The following ADGRG4 variants were observed in gnomAD, a reference collection of about 807,000 sequenced individuals.
ADGRG4 encodes G protein-coupled receptor 112.
A neutral mutation model predicts 126.2 loss-of-function variants in ADGRG4; 122 were observed. The ratio of observed to expected loss-of-function variants is 0.97; its 90% confidence interval spans 0.83 to 1.12. The LOEUF (loss-of-function observed/expected upper bound fraction) is 1.12. ADGRG4 is among the 50% of genes most tolerant of loss of function. The pLI, the probability that ADGRG4 is intolerant of heterozygous loss-of-function variation, is 0.00. For synonymous variants in ADGRG4, 943 were observed against 838.7 expected (o/e 1.12, Z -2.15); for missense variants, 2,481 against 2,251.8 (o/e 1.10, Z -2.06).
chrX:136,305,400 CTA>C (rs2074727009), intron 3 of ADGRG4, among the ~76,000 whole-genome samples: 1 of 111,521 alleles, frequency 9.0e-6, no homozygotes, highest in Non-Finnish European at 1.9e-5. Flanking sequence ...ATGAGTCATT[CTA>C]CCCTTGGGAC....
In ADGRG4 at chrX:136,300,974, T is replaced by C. The variant is rs1186497136; in HGVS notation, c.-280T>C. ...GTGTATATGTGCCACAGTTTCTTAA[T>C]CCAGTCTATCACTGATGGACATTTG... On this transcript the variant is annotated 5_prime_UTR_variant, in exon 1 of 26. Transcript: ENST00000394143. The C allele has an allele frequency of 1.8e-5, 2 of 112,523 alleles. No individual in the cohort carries two copies. The highest frequency in any genetic ancestry group is 3.7e-5 in the Non-Finnish European group (2 of 53,340). 9.3% of individuals were successfully genotyped at this position (112,523 alleles called of 1,213,427 possible).
intron 5 of ADGRG4, among the ~76,000 whole-genome samples, chrX:136,333,441 TG>T (rs76256682): frequency 0.48 from 52,639 of 110,074 alleles, 9,305 homozygotes; most frequent in Middle Eastern, 0.6. Flanking sequence ...TCTAATTTTT[TG>T]TTGGGTATAT....
At chrX:136,402,156 A>G (rs1234157210) in intron 21 of ADGRG4, among the ~76,000 whole-genome samples, 1 of 112,623 alleles carries the variant, frequency 8.9e-6, no homozygotes, top group Non-Finnish European at 1.9e-5. Context: ...TATGAATGCC[A>G]AAGCAACCTG....
Position 136,399,847 on chromosome X carries a change from G to T in ADGRG4, c.8307-1G>T, listed in dbSNP as rs781203318. The T allele has an allele frequency of 1.0e-5, 12 of 1,192,939 alleles. No individual in the cohort carries two copies. Among genetic ancestry groups the T allele is most frequent in the Non-Finnish European group, 1.4e-5 (12 of 884,811 alleles). On this transcript the variant is annotated splice_acceptor_variant, in intron 20 of 25. Coordinates refer to ENST00000394143, the MANE Select transcript of ADGRG4 (RefSeq NM_153834.4). LOFTEE classifies it high-confidence loss of function. ...TAACAACATTGTACTTTCTCTTTTA[G>T]CAAACTTCGAAAAGATTATCCTGCC... is the stretch of plus-strand genomic sequence containing the variant.
intron 13 of ADGRG4, among the ~76,000 whole-genome samples, chrX:136,370,900 T>C (rs779190297): frequency 8.8e-4 from 98 of 111,672 alleles, no homozygotes; most frequent in African/African-American, 1.3e-3. Context: ...GCTTTTTTTT[T>C]CCTGTGGTTT....
intron 5 of ADGRG4, among the ~76,000 whole-genome samples, chrX:136,329,833 C>A (rs1379057277): frequency 9.1e-6 from 1 of 110,195 alleles, no homozygotes; most frequent in African/African-American, 3.3e-5. Flanking sequence ...TGTGTACCAC[C>A]ACACCTGGCT....
chrX:136,398,073 G>A, intron 20 of ADGRG4, 71 bp downstream of exon 20: 3 of 1,006,873 alleles, frequency 3.0e-6, no homozygotes, highest in Non-Finnish European at 4.1e-6. Flanking sequence ...TTGTAACTTT[G>A]TTAATTTCAT....
intron 4 of ADGRG4, among the ~76,000 whole-genome samples, chrX:136,311,818 AG>A (rs1406066091): frequency 9.0e-6 from 1 of 111,060 alleles, no homozygotes; most frequent in Non-Finnish European, 1.9e-5. Context: ...TTGTGTAGCC[AG>A]GGTTCAGGAA....
Position 136,350,257 on chromosome X carries a change from C to G in ADGRG4, c.6551C>G (p.Thr2184Ser). The change falls in exon 6 of 26, where the codon ACT becomes AGT. Residue 2184 changes from threonine (T) to serine (S), a missense_variant. Physicochemically the swap from Thr to Ser is moderately conservative, Grantham distance 58. Transcript: ENST00000394143. ...TLDSLLNIMT[T>S]TSTVPGASFP... ...GACTCCCTTCTAAATATAATGACTA[C>G]TACATCCACTGTTCCTGGAGCCTCA... is the stretch of plus-strand genomic sequence containing the variant. 1.7e-6 allele frequency: 2 copies of G among 1,208,813 alleles called. No individual in the cohort carries two copies. Among genetic ancestry groups the G allele is most frequent in the Non-Finnish European group, 1.1e-6 (1 of 892,881 alleles).
chrX:136,335,003 A>G (rs2074940443), intron 5 of ADGRG4, among the ~76,000 whole-genome samples: 1 of 111,376 alleles, frequency 9.0e-6, no homozygotes, highest in African/African-American at 3.3e-5. Context: ...TCACCATTAC[A>G]GTTGATGTTA....
In ADGRG4 at chrX:136,322,889, T is replaced by C. The variant is rs752504678; in HGVS notation, c.182T>C (p.Leu61Pro). The C allele has an allele frequency of 8.3e-7, 1 of 1,210,232 alleles. No homozygotes were observed. Among genetic ancestry groups the C allele is most frequent in the East Asian group, 3.0e-5 (1 of 33,772 alleles). The change falls in exon 5 of 26, where the codon CTG becomes CCG. Residue 61 changes from leucine to proline, a missense_variant. Coordinates refer to ENST00000394143, the MANE Select transcript of ADGRG4 (RefSeq NM_153834.4). ...AGCCGATTCACAGCATGCATTGATC[T>C]GGTATTCATGGATGACAACTCAAGG... ...ELSRFTACID[L>P]VFMDDNSRYW...
chrX:136,350,940 G>T (rs752703308), intron 6 of ADGRG4, among the ~76,000 whole-genome samples: 3 of 111,603 alleles, frequency 2.7e-5, no homozygotes, highest in Admixed American at 1.9e-4. Flanking sequence ...CAAGGCCAGG[G>T]AATATTTGGC....
chrX:136,346,244 C>T lies in ADGRG4; in HGVS notation c.2538C>T (p.Ser846=). ...NATVTRKEAT[S]HYLMRKSTIA... Reference sequence around the variant, plus strand: ...CTGTGACAAGAAAAGAAGCAACTTCCCATTATCTTATGAGAAAATCAACTA... The same window carrying T: ...CTGTGACAAGAAAAGAAGCAACTTCTCATTATCTTATGAGAAAATCAACTA... The change falls in exon 6 of 26, where the codon TCC becomes TCT. Residue 846 remains serine (S), a synonymous_variant. Transcript: ENST00000394143. 1 of 1,209,661 alleles carries T rather than the reference C, an allele frequency of 8.3e-7. No homozygotes were observed. Among genetic ancestry groups the T allele is most frequent in the South Asian group, 1.8e-5 (1 of 56,560 alleles).
intron 8 of ADGRG4, among the ~76,000 whole-genome samples, chrX:136,355,735 C>A (rs1392416285): frequency 8.9e-6 from 1 of 112,280 alleles, no homozygotes; most frequent in Non-Finnish European, 1.9e-5. Context: ...TATGCCTTTT[C>A]AGGCCAATAC....
chrX:136,390,373 A>T (rs2075313547), intron 16 of ADGRG4, among the ~76,000 whole-genome samples: 1 of 111,093 alleles, frequency 9.0e-6, no homozygotes, highest in African/African-American at 3.3e-5. Flanking sequence ...TTGATAAGGC[A>T]CCACTCTTGG....
chrX:136,411,022 A>T (rs1335310342), intron 23 of ADGRG4, among the ~76,000 whole-genome samples: 1 of 111,725 alleles, frequency 9.0e-6, no homozygotes, highest in Non-Finnish European at 1.9e-5. Context: ...CCCCAACTGC[A>T]GGAAATCTAA....
Position 136,351,450 on chromosome X carries a change from C to G in ADGRG4, c.6731C>G (p.Ser2244Cys). ...TSPTATKSTV[S>C]FYNVEMSFSV... Reference sequence around the variant, plus strand: ...ACCTCCTTATTTTTAATTACAGTTTCCTTCTACAATGTTGAAATGAGCTTC... The same window carrying G: ...ACCTCCTTATTTTTAATTACAGTTTGCTTCTACAATGTTGAAATGAGCTTC... The change falls in exon 7 of 26, where the codon TCC becomes TGC. Residue 2244 changes from serine to cysteine, a missense_variant. Transcript: ENST00000394143. The G allele has an allele frequency of 1.8e-6, 2 of 1,082,700 alleles. No individual in the cohort carries two copies. The highest frequency in any genetic ancestry group is 4.5e-5 in the South Asian group (2 of 44,679). 89.2% of individuals were successfully genotyped at this position (1,082,700 alleles called of 1,213,427 possible). A position where few individuals can be genotyped will look rare whatever the true frequency, so the allele number is the denominator to read the frequency against.
chrX:136,344,375 C>G lies in ADGRG4; in HGVS notation c.686-17C>G. On this transcript the variant is annotated splice_polypyrimidine_tract_variant and intron_variant, in intron 5 of 25. Coordinates refer to ENST00000394143, the MANE Select transcript of ADGRG4 (RefSeq NM_153834.4). The stretch of plus-strand genomic sequence containing the variant: ...AAAGCTGAATCCAAAATAACACATT[C>G]TTTCTGATTTTTTTAGTTGTTCCTG... 3 of 1,091,430 alleles carry G rather than the reference C, an allele frequency of 2.7e-6. No homozygotes were observed. The highest frequency in any genetic ancestry group is 3.7e-6 in the Non-Finnish European group (3 of 816,397). The allele number at this position is 1,091,430 out of a possible 1,213,427, so 89.9% of individuals were successfully genotyped here. A position where few individuals can be genotyped will look rare whatever the true frequency, so the allele number is the denominator to read the frequency against.
intron 15 of ADGRG4, among the ~76,000 whole-genome samples, chrX:136,384,077 A>T (rs752690526): frequency 1.2e-4 from 13 of 108,084 alleles, no homozygotes; most frequent in East Asian, 5.8e-4. Context: ...TTATTTATTT[A>T]TTTTTTTATT....
Sources: allele counts gnomAD v4.1 joint callset (sites outside exome capture counted in the v4.1 genomes callset), GRCh38; gene constraint gnomAD v4.1.1; transcripts MANE v1.5; gene names NCBI Gene and HGNC (gene_info 2026-07-23, HGNC 2026-07-21).